The following SLC7A5 variants were observed in gnomAD, a reference collection of about 807,000 sequenced individuals.
The protein encoded by SLC7A5 is large neutral amino acids transporter small subunit 1.
In SLC7A5, 23 loss-of-function variants were observed where a neutral mutation model predicts 50.2. The observed-to-expected ratio is 0.46, with a 90% CI of 0.33 to 0.65. SLC7A5 has a LOEUF of 0.65. SLC7A5 is among the 30% of genes least tolerant of loss of function. The pLI is 0.02. For missense variants in SLC7A5, 578 were observed against 684.4 expected, an observed-to-expected ratio of 0.84 and a Z score of 1.73; for synonymous variants, 393 against 330.6, an observed-to-expected ratio of 1.19 and a Z score of -2.05.
chr16:87,836,537 C>G lies in SLC7A5; in HGVS notation c.1251G>C (p.Trp417Cys). The G allele has an allele frequency of 6.2e-7, 1 of 1,613,294 alleles. No homozygotes were observed. The highest frequency in any genetic ancestry group is 8.5e-7 in the Non-Finnish European group (1 of 1,180,012). ...CAAGCTCAGGCTTTCTGTGGCGCAG[C>G]CAGATCATGCCGATGATGGCCAGGG... ...CVALAIIGMI[W>C]LRHRKPELER... The change falls in exon 8 of 10, where the codon TGG (tryptophan) becomes TGC (cysteine). Residue 417 changes from tryptophan (W) to cysteine (C), a missense_variant. Physicochemically the swap from Trp to Cys is radical, Grantham distance 215. Transcript: ENST00000261622.
At position 87,862,065 on chromosome 16, in the gene SLC7A5, GA is replaced by G. The variant is rs1567502264; in HGVS notation, c.538+6819del. Among the ~76,000 whole-genome samples, 1 of 152,170 alleles carries G rather than the reference GA, an allele frequency of 6.6e-6. No individual in the cohort carries two copies. Among genetic ancestry groups the G allele is most frequent in the Non-Finnish European group, 1.5e-5 (1 of 68,014 alleles). On this transcript the variant is annotated intron_variant, in intron 1 of 9. Transcript: ENST00000261622. This position sits in a 1 kb window ranked among gnomAD's most constrained non-coding sequence, Gnocchi z 5.3. ...GGGGTTGGGGGTGGAGGGGTGCAGG[GA>G]TCCCAAAACCCAACCCGGGGCCAGG...
chr16:87,867,934 T>G (rs1484515929), intron 1 of SLC7A5, among the ~76,000 whole-genome samples: 1 of 151,486 alleles, frequency 6.6e-6, no homozygotes, highest in East Asian at 1.9e-4. Flanking sequence ...GCTAACACGG[T>G]GAAACGCCGT....
intron 2 of SLC7A5, among the ~76,000 whole-genome samples, chr16:87,850,514 G>A (rs1029483541): frequency 1.3e-5 from 2 of 152,214 alleles, no homozygotes; most frequent in African/African-American, 4.8e-5. Context: ...GCGTGCATCC[G>A]CCGGGTGCCT....
Position 87,851,705 on chromosome 16 carries a change from G to A in SLC7A5, c.664+19C>T, listed in dbSNP as rs1334120167. ...AAAGCCTCGAGGGGCCGCCGGTGGG[G>A]CCTGGGGGACGTACTCACCCTTCCC... On this transcript the variant is annotated intron_variant, in intron 2 of 9. Transcript: ENST00000261622. 3 of 1,607,740 alleles carry A rather than the reference G, an allele frequency of 1.9e-6. No individual in the cohort carries two copies. Among genetic ancestry groups the A allele is most frequent in the East Asian group, 2.2e-5 (1 of 44,660 alleles).
chr16:87,833,450 T>C lies in SLC7A5; in HGVS notation c.1469-425A>G. On this transcript the variant is annotated intron_variant, in intron 9 of 9. Coordinates refer to ENST00000261622, the MANE Select transcript of SLC7A5 (RefSeq NM_003486.7). This position sits in a 1 kb window ranked among gnomAD's most constrained non-coding sequence, Gnocchi z 6.0. Reference sequence around the variant, plus strand: ...GAGGGGCCAATCTGCTAACGGGTCCTCGGAAGACCTGTCGCGCCTGGGACT... The same window carrying C: ...GAGGGGCCAATCTGCTAACGGGTCCCCGGAAGACCTGTCGCGCCTGGGACT... Among the ~76,000 whole-genome samples, 1 of 152,168 alleles carries C rather than the reference T, an allele frequency of 6.6e-6. No individual in the cohort carries two copies. The highest frequency in any genetic ancestry group is 1.9e-4 in the East Asian group (1 of 5,184).
chr16:87,855,787 C>T (rs2055309983), intron 1 of SLC7A5, among the ~76,000 whole-genome samples: 1 of 152,094 alleles, frequency 6.6e-6, no homozygotes, highest in South Asian at 2.1e-4. Flanking sequence ...ACCTGTGGGC[C>T]CCGGCTGGGT....
intron 1 of SLC7A5, among the ~76,000 whole-genome samples, chr16:87,867,872 T>C (rs1392516080): frequency 6.6e-6 from 1 of 151,928 alleles, no homozygotes; most frequent in Non-Finnish European, 1.5e-5. Context: ...TCCCAGCACT[T>C]TGGGAGGCCG....
chr16:87,847,178 CA>C (rs754304757), intron 2 of SLC7A5, among the ~76,000 whole-genome samples: 15 of 152,206 alleles, frequency 9.9e-5, no homozygotes, highest in Non-Finnish European at 2.1e-4. Flanking sequence ...AGCCACAGCC[CA>C]GGGGGGCTTC....
At chr16:87,866,566 A>G (rs1397988713) in intron 1 of SLC7A5, among the ~76,000 whole-genome samples, 1 of 151,686 alleles carries the variant, frequency 6.6e-6, no homozygotes, top group Non-Finnish European at 1.5e-5. Flanking sequence ...CCTGGGTTCT[A>G]GTGATTCTCC....
intron 8 of SLC7A5, among the ~76,000 whole-genome samples, chr16:87,836,214 G>T (rs767488633): frequency 6.6e-6 from 1 of 152,188 alleles, no homozygotes; most frequent in African/African-American, 2.4e-5. Context: ...GCTCACCACC[G>T]CCCACCTATG....
chr16:87,837,449 A>G, intron 7 of SLC7A5: 1 of 260,406 alleles, frequency 3.8e-6, no homozygotes, highest in Non-Finnish European at 7.5e-6. Flanking sequence ...ACACAGCCAG[A>G]GGGAACAAAG....
At chr16:87,837,074 G>A (rs933839454) in intron 7 of SLC7A5, among the ~76,000 whole-genome samples, 9 of 152,220 alleles carry the variant, frequency 5.9e-5, no homozygotes, top group Non-Finnish European at 1.3e-4. Flanking sequence ...CCCGAGGACC[G>A]TGCAGCTGCC....
intron 1 of SLC7A5, among the ~76,000 whole-genome samples, chr16:87,867,940 G>C (rs865788622): frequency 5.9e-5 from 9 of 151,636 alleles, no homozygotes; most frequent in African/African-American, 7.3e-5. Context: ...ACGGTGAAAC[G>C]CCGTCTCTAC....
intron 1 of SLC7A5, among the ~76,000 whole-genome samples, chr16:87,854,877 C>G (rs917393522): frequency 6.6e-6 from 1 of 152,214 alleles, no homozygotes; most frequent in South Asian, 2.1e-4. Flanking sequence ...ATTGGAGGAA[C>G]CCCTGCCCTC....
intron 1 of SLC7A5, among the ~76,000 whole-genome samples, chr16:87,858,429 C>T (rs1567500338): frequency 6.6e-6 from 1 of 152,144 alleles, no homozygotes; most frequent in Non-Finnish European, 1.5e-5. Flanking sequence ...GAAACCCACG[C>T]CCCACTCCAA....
At position 87,851,834 on chromosome 16, in the gene SLC7A5, A is replaced by G; in HGVS notation, c.554T>C (p.Val185Ala). The G allele has an allele frequency of 6.2e-7, 1 of 1,613,002 alleles. No individual in the cohort carries two copies. The highest frequency in any genetic ancestry group is 1.3e-5 in the African/African-American group (1 of 75,024). The change falls in exon 2 of 10, where the codon GTG becomes GCG. Residue 185 changes from valine to alanine, a missense_variant. This residue lies in a region of SLC7A5 where 465 missense variants were observed against 594.6 expected (regional missense o/e 0.78). Coordinates refer to ENST00000261622, the MANE Select transcript of SLC7A5 (RefSeq NM_003486.7). Reference sequence around the variant, plus strand: ...GGCGGCCTTCACGCTGTAGCAGTTCACGGCCGTGAGCAGCACTGTGGAGAC... The same window carrying G: ...GGCGGCCTTCACGCTGTAGCAGTTCGCGGCCGTGAGCAGCACTGTGGAGAC... Reference protein sequence around the residue: ...ACLCVLLLTAVNCYSVKAATR... With the variant: ...ACLCVLLLTAANCYSVKAATR...
intron 5 of SLC7A5, 109 bp downstream of exon 5, chr16:87,839,593 C>T: frequency 1.3e-6 from 2 of 1,544,914 alleles, no homozygotes; most frequent in Non-Finnish European, 1.8e-6. Context: ...CGCGGGGCCC[C>T]CTCTGCGTAG....
At chr16:87,851,030 G>C (rs2055215879) in intron 2 of SLC7A5, among the ~76,000 whole-genome samples, 1 of 152,174 alleles carries the variant, frequency 6.6e-6, no homozygotes, top group African/African-American at 2.4e-5. Context: ...AAGCAGCTGG[G>C]AAAAAGGCTC....
chr16:87,836,659 A>G lies in SLC7A5; in HGVS notation c.1141-12T>C, dbSNP rs537084925. 81 of 1,610,716 alleles carry G rather than the reference A, an allele frequency of 5.0e-5. 1 individual carries two copies. In the African/African-American group the frequency reaches 9.3e-4, roughly 19 times the overall value. On this transcript the variant is annotated splice_polypyrimidine_tract_variant and intron_variant, in intron 7 of 9. Transcript: ENST00000261622. ...AGCGTCATCACACACTGGAAGAGAGAGGCGGCTGGCTGAGCCCTGGGGCCC... is the reference window on the plus strand; with the variant it reads ...AGCGTCATCACACACTGGAAGAGAGGGGCGGCTGGCTGAGCCCTGGGGCCC...
Sources: allele counts gnomAD v4.1 joint callset (sites outside exome capture counted in the v4.1 genomes callset), GRCh38; gene constraint gnomAD v4.1.1; regional missense constraint gnomAD v4.1.1; non-coding constraint Gnocchi (gnomAD v3.1); transcripts MANE v1.5; gene names NCBI Gene and HGNC (gene_info 2026-07-23, HGNC 2026-07-21).